GREB1: variants seen among roughly 807,000 people sequenced by gnomAD.
GREB1 encodes protein GREB1.
GREB1 carries 106 observed loss-of-function variants against 200.7 expected under a neutral mutation model. The observed-to-expected ratio is 0.53, with a 90% confidence interval of 0.45 to 0.62. GREB1 has a LOEUF of 0.62. Ranked by LOEUF, GREB1 falls within the 20% of genes least tolerant of loss-of-function variation. GREB1 has a pLI of 0.00. For missense variants in GREB1, 2,243 were observed against 2,556.8 expected (o/e 0.88, Z 2.65); for synonymous variants, 1,132 against 1,092.4 (o/e 1.04, Z -0.72).
At chr2:11,521,724 A>G (rs1673711193) in intron 1 of GREB1, among the ~76,000 whole-genome samples, 1 of 152,246 alleles carries the variant, frequency 6.6e-6, no homozygotes, top group South Asian at 2.1e-4. Context: ...TAACGTGTAA[A>G]TAAATCTACT....
chr2:11,581,552 C>T (rs149972530), intron 7 of GREB1, among the ~76,000 whole-genome samples: 2 of 152,266 alleles, frequency 1.3e-5, no homozygotes, highest in East Asian at 1.9e-4. Flanking sequence ...GAGCAGACCT[C>T]CTGCCAGAGG....
chr2:11,516,534 C>T (rs951962480), intron 1 of GREB1, among the ~76,000 whole-genome samples: 10 of 152,170 alleles, frequency 6.6e-5, no homozygotes, highest in South Asian at 2.1e-4. Context: ...CATTTGGCCT[C>T]GGGAGCTAAT....
chr2:11,501,914 T>TTTTTTTTTTTTTTTTTTG (rs1673055390), intron 1 of GREB1, among the ~76,000 whole-genome samples: 1 of 109,156 alleles, frequency 9.2e-6, no homozygotes, highest in Non-Finnish European at 1.8e-5. Flanking sequence ...TGTTTTTTTT[T>TTTTTTTTTTTTTTTTTTG]TTTTTTTTTT....
intron 23 of GREB1, among the ~76,000 whole-genome samples, chr2:11,624,625 A>G (rs891106223): frequency 1.3e-5 from 2 of 151,862 alleles, no homozygotes; most frequent in Non-Finnish European, 2.9e-5. Flanking sequence ...GATTACAGGC[A>G]TGAGCCACCA....
rs78246006 is a variant in GREB1 at position 11,548,291 on chromosome 2, C to T, written c.-161-8163C>T. Among the ~76,000 whole-genome samples the T allele has an allele frequency of 1.1e-4, 17 of 151,750 alleles. No homozygotes were observed. The highest frequency in any genetic ancestry group is 3.9e-4 in the African/African-American group (16 of 41,282). On this transcript the variant is annotated intron_variant, in intron 1 of 32. Coordinates refer to ENST00000381486, the MANE Select transcript of GREB1 (RefSeq NM_014668.4). The surrounding 1 kb of genome is among the most constrained non-coding windows in gnomAD (Gnocchi z 5.1). Reference sequence around the variant, plus strand: ...ATGTACAGCCAGACACATGCACACACGTGCACATACCCACATATGCACACA... The same window carrying T: ...ATGTACAGCCAGACACATGCACACATGTGCACATACCCACATATGCACACA...
intron 1 of GREB1, among the ~76,000 whole-genome samples, chr2:11,554,729 CT>C (rs1676265336): frequency 1.3e-5 from 2 of 152,206 alleles, no homozygotes; most frequent in South Asian, 4.1e-4. Flanking sequence ...GTTGAATAAT[CT>C]GATTGATTTC....
intron 21 of GREB1, among the ~76,000 whole-genome samples, chr2:11,617,732 G>A (rs555095034): frequency 5.3e-5 from 8 of 152,170 alleles, no homozygotes; most frequent in South Asian, 2.1e-4. Flanking sequence ...TGTTGGGGCC[G>A]GGGGTGTGCC....
At chr2:11,515,551 G>T (rs754476769) in intron 1 of GREB1, among the ~76,000 whole-genome samples, 1 of 152,206 alleles carries the variant, frequency 6.6e-6, no homozygotes, top group Non-Finnish European at 1.5e-5. Context: ...TGCTTCCTCT[G>T]CTGGAAGCCC....
intron 1 of GREB1, among the ~76,000 whole-genome samples, chr2:11,536,215 A>T (rs1028949197): frequency 3.9e-5 from 6 of 152,280 alleles, no homozygotes; most frequent in Middle Eastern, 3.4e-3. Context: ...GTCTTGAGGG[A>T]TGAGGCAGCG....
Position 11,618,544 on chromosome 2 carries a change from C to CTCCTCCTCGGGCTCA in GREB1, c.3678_3692dup (p.Gly1227_Ser1231dup). The CTCCTCCTCGGGCTCA allele has an allele frequency of 1.2e-6, 2 of 1,612,654 alleles. No individual in the cohort carries two copies. The highest frequency in any genetic ancestry group is 1.3e-5 in the African/African-American group (1 of 75,038). ...TCACCTCGTCGTGCTCCCAGCTGTC[C>CTCCTCCTCGGGCTCA]TCCTCCTCGGGCTCATCCTCCTCAT... On this transcript the variant is annotated inframe_insertion, in exon 22 of 33. Transcript: ENST00000381486.
rs547310419 is a variant in GREB1, at chr2:11,492,326, C to T, written c.-159+9945C>T. Among the ~76,000 whole-genome samples, 62 of 152,342 alleles carry T rather than the reference C, an allele frequency of 4.1e-4. No homozygotes were observed. Among genetic ancestry groups the T allele is most frequent in the Non-Finnish European group, 6.9e-4 (47 of 68,036 alleles). On this transcript the variant is annotated intron_variant, in intron 1 of 2. Transcript: ENST00000628795. This position sits in a 1 kb window ranked among gnomAD's most constrained non-coding sequence, Gnocchi z 4.0. ...CCTCATTCTTTCTTCTCCAAACCCT[C>T]AGTGTGCTCTATCAAGAAATGCTTG...
chr2:11,535,020 G>C (rs16857588), intron 1 of GREB1, among the ~76,000 whole-genome samples: 9,090 of 152,192 alleles, frequency 0.06, 340 homozygotes, highest in East Asian at 0.14. Flanking sequence ...CTTGTTGGTT[G>C]ATTCAATTTG....
chr2:11,607,460 GTATA>G (rs780299705), intron 17 of GREB1, among the ~76,000 whole-genome samples: 691 of 36,908 alleles, frequency 0.019, 6 homozygotes, highest in South Asian at 0.029. Context: ...GTGTGTGTGT[GTATA>G]TATATATACA....
At chr2:11,524,082 T>C (rs1377728015) in intron 1 of GREB1, among the ~76,000 whole-genome samples, 1 of 152,136 alleles carries the variant, frequency 6.6e-6, no homozygotes, top group Non-Finnish European at 1.5e-5. Context: ...GAGTACACAT[T>C]GCATTTAAAT....
rs769039328 is a variant in GREB1, at chr2:11,618,825, T to C, written c.3950T>C (p.Val1317Ala). 2.5e-6 allele frequency: 4 copies of C among 1,605,118 alleles called. No homozygotes were observed. Among genetic ancestry groups the C allele is most frequent in the Non-Finnish European group, 2.5e-6 (3 of 1,179,204 alleles). ...EQSLYYRQWT[V>A]PRPSHMDYGN... ...TCCCTCTACTACCGGCAGTGGACGG[T>C]GCCCCGGCCCAGCCACATGGACTAC... The change falls in exon 22 of 33, where the codon GTG (valine) becomes GCG (alanine). Residue 1317 changes from valine (V) to alanine (A), a missense_variant. Around this residue, in one of 3 missense-constraint regions of GREB1, gnomAD observed 587 missense variants for 553.1 expected, o/e 1.06. Transcript: ENST00000381486.
chr2:11,494,264 G>A (rs796288062), intron 1 of GREB1, among the ~76,000 whole-genome samples: 18 of 152,362 alleles, frequency 1.2e-4, no homozygotes, highest in African/African-American at 4.3e-4. Flanking sequence ...TCCCTGACTT[G>A]TCACCACAGA....
At chr2:11,601,606 C>A (rs142082294) in intron 16 of GREB1, among the ~76,000 whole-genome samples, 2 of 152,306 alleles carry the variant, frequency 1.3e-5, no homozygotes, top group African/African-American at 4.8e-5. Context: ...TGGAGTGCCT[C>A]GCAATCCTCT....
Position 11,580,658 on chromosome 2 carries a change from C to A in GREB1, c.773-46C>A. 1 of 1,554,512 alleles carries A rather than the reference C, an allele frequency of 6.4e-7. No individual in the cohort carries two copies. On this transcript the variant is annotated intron_variant, in intron 6 of 32. Coordinates refer to ENST00000381486, the MANE Select transcript of GREB1 (RefSeq NM_014668.4). This position sits in a 1 kb window ranked among gnomAD's most constrained non-coding sequence, Gnocchi z 4.5. ...TTTCCTCCTTGCCTGGCTCCCAGGGCATTCTTGTGAACTGACCCTCCTCTT... is the reference window on the plus strand; with the variant it reads ...TTTCCTCCTTGCCTGGCTCCCAGGGAATTCTTGTGAACTGACCCTCCTCTT...
chr2:11,491,852 T>G (rs4233893), intron 1 of GREB1, among the ~76,000 whole-genome samples: 1 of 152,158 alleles, frequency 6.6e-6, no homozygotes, highest in Non-Finnish European at 1.5e-5. Context: ...TTTGGATGCC[T>G]GGTTTCTGCC....
Sources: allele counts gnomAD v4.1 joint callset (sites outside exome capture counted in the v4.1 genomes callset), GRCh38; gene constraint gnomAD v4.1.1; regional missense constraint gnomAD v4.1.1; non-coding constraint Gnocchi (gnomAD v3.1); transcripts MANE v1.5; gene names NCBI Gene and HGNC (gene_info 2026-07-23, HGNC 2026-07-21).